KLC1: variants seen among roughly 807,000 people sequenced by gnomAD.
The protein encoded by KLC1 is kinesin 2 60/70kDa.
Under a neutral mutation model 84.2 loss-of-function variants are expected in KLC1, and 30 were observed. The observed-to-expected ratio is 0.36, with a 90% CI of 0.27 to 0.48. The LOEUF is 0.48. Ranked by LOEUF, KLC1 falls within the 20% of genes least tolerant of loss-of-function variation. KLC1 has a pLI of 0.99. For synonymous variants in KLC1, 289 were observed against 293.3 expected, an observed-to-expected ratio of 0.99 and a Z score of 0.15; for missense variants, 499 against 805.4, an observed-to-expected ratio of 0.62 and a Z score of 4.60.
intron 1 of KLC1, among the ~76,000 whole-genome samples, chr14:103,637,148 T>C (rs1326382677): frequency 6.6e-6 from 1 of 152,134 alleles, no homozygotes; most frequent in Admixed American, 6.6e-5. Context: ...TATTTTTTCC[T>C]AATCTATGGC....
chr14:103,698,491 T>C (rs2082767486), intron 15 of KLC1: 1 of 442,794 alleles, frequency 2.3e-6, no homozygotes, highest in South Asian at 2.1e-5. Flanking sequence ...AGGGAGTCAC[T>C]GTAGGACACC....
At chr14:103,699,489 C>T (rs761101817) in intron 15 of KLC1, 1 of 1,612,894 alleles carries the variant, frequency 6.2e-7, no homozygotes, top group South Asian at 1.1e-5. Context: ...CGGAATGGGG[C>T]TGCCACCGAG....
At chr14:103,645,107 G>A (rs1027481552) in intron 1 of KLC1, among the ~76,000 whole-genome samples, 5 of 151,962 alleles carry the variant, frequency 3.3e-5, no homozygotes, top group African/African-American at 1.2e-4. Context: ...TCAAGTAACT[G>A]GGGTTACAGG....
intron 14 of KLC1, among the ~76,000 whole-genome samples, chr14:103,691,239 ACCTCTGCCTCCTGGGCTTAAGTGAAT>A (rs547546638): frequency 1.7e-3 from 254 of 150,606 alleles, no homozygotes; most frequent in African/African-American, 5.5e-3. Context: ...GCTCACTGCA[ACCTCTGCCTCCTGGGCTTAAGTGAAT>A]CTTGTGCCTC....
intron 5 of KLC1, among the ~76,000 whole-genome samples, chr14:103,665,705 T>C (rs2079723075): frequency 6.6e-6 from 1 of 152,194 alleles, no homozygotes; most frequent in Non-Finnish European, 1.5e-5. Context: ...CCCAAAGTGC[T>C]AGGATTACAG....
chr14:103,658,455 A>G (rs372368989), intron 3 of KLC1, among the ~76,000 whole-genome samples: 1 of 41,814 alleles, frequency 2.4e-5, no homozygotes, highest in East Asian at 7.7e-4. Flanking sequence ...TTTTTTTTTT[A>G]GTAGAGATGA....
intron 1 of KLC1, among the ~76,000 whole-genome samples, chr14:103,632,216 A>T: frequency 6.6e-6 from 1 of 152,112 alleles, no homozygotes; most frequent in East Asian, 1.9e-4. Context: ...ACCTGAGGTC[A>T]GGAGTTTAAG....
At chr14:103,640,836 C>G (rs1396370386) in intron 1 of KLC1, among the ~76,000 whole-genome samples, 1 of 152,122 alleles carries the variant, frequency 6.6e-6, no homozygotes, top group Non-Finnish European at 1.5e-5. Context: ...TACTTTGCAT[C>G]CAATTTCCCC....
intron 9 of KLC1, among the ~76,000 whole-genome samples, chr14:103,673,904 C>CG (rs1367804887): frequency 1.3e-5 from 2 of 151,004 alleles, no homozygotes; most frequent in Non-Finnish European, 2.9e-5. Flanking sequence ...GCCTGGGCAA[C>CG]AGAGTGAGAC....
At chr14:103,666,579 T>C (rs2079849528) in intron 5 of KLC1, among the ~76,000 whole-genome samples, 1 of 151,804 alleles carries the variant, frequency 6.6e-6, no homozygotes, top group Non-Finnish European at 1.5e-5. Context: ...GTGTTTAATA[T>C]ACCTCATCTC....
At position 103,697,007 on chromosome 14, in the gene KLC1, C is replaced by T. The variant is rs1039273520; in HGVS notation, c.1849-3648C>T. 27 of 985,448 alleles carry T rather than the reference C, an allele frequency of 2.7e-5. No homozygotes were observed. In the East Asian group the frequency reaches 5.7e-4, roughly 21 times the overall value. The allele number at this position is 985,448 out of a possible 1,614,324, so 61.0% of individuals were successfully genotyped here. ...CTGAGCCAGCATGGGCGGGGCCGGCCGAGCTTCCAGGCGTGTTTTCTCTGT... is the reference window on the plus strand; with the variant it reads ...CTGAGCCAGCATGGGCGGGGCCGGCTGAGCTTCCAGGCGTGTTTTCTCTGT... On this transcript the variant is annotated intron_variant, in intron 15 of 16. Transcript: ENST00000334553.
intron 15 of KLC1, chr14:103,700,427 A>C: frequency 2.1e-6 from 1 of 469,024 alleles, no homozygotes; most frequent in Non-Finnish European, 3.8e-6. Flanking sequence ...TTGGTGAGCC[A>C]TGGTGATGGG....
rs2082226356 is a variant in KLC1, at chr14:103,693,329, G to T, written c.1848+904G>T. On this transcript the variant is annotated intron_variant, in intron 15 of 16. Coordinates refer to ENST00000334553, the MANE Select transcript of KLC1 (RefSeq NM_001394837.1). This position sits in a 1 kb window ranked among gnomAD's most constrained non-coding sequence, Gnocchi z 5.1. ...ACATGTTGCTTGAAGCACCCCTAAT[G>T]ACAAGAGGAAAGAAAGTCTCTTCAT... Among the ~76,000 whole-genome samples, 1 of 152,006 alleles carries T rather than the reference G, an allele frequency of 6.6e-6. No individual in the cohort carries two copies. The highest frequency in any genetic ancestry group is 2.4e-5 in the African/African-American group (1 of 41,364).
chr14:103,675,165 AT>A (rs2080773168), intron 9 of KLC1, among the ~76,000 whole-genome samples: 1 of 152,164 alleles, frequency 6.6e-6, no homozygotes, highest in East Asian at 1.9e-4. Context: ...TCTACTAAAA[AT>A]ACAAAAAAAT....
At chr14:103,700,590 G>C in intron 15 of KLC1, 65 bp from the exon 16 acceptor site, 1 of 1,343,922 alleles carries the variant, frequency 7.4e-7, no homozygotes, top group South Asian at 1.2e-5. Context: ...CACGCCCGGA[G>C]CTCTGAAGAC....
intron 15 of KLC1, among the ~76,000 whole-genome samples, 181 bp downstream of exon 15, chr14:103,692,606 T>C (rs2082184625): frequency 6.6e-6 from 1 of 152,174 alleles, no homozygotes; most frequent in Non-Finnish European, 1.5e-5. Flanking sequence ...TAACCACTGA[T>C]TATGTGAATT....
At chr14:103,647,452 A>G (rs1237747107) in intron 1 of KLC1, among the ~76,000 whole-genome samples, 1 of 150,524 alleles carries the variant, frequency 6.6e-6, no homozygotes, top group Non-Finnish European at 1.5e-5. Flanking sequence ...CTGGTCTTGA[A>G]CTCCTGACCT....
At chr14:103,659,462 G>C (rs940357487) in intron 3 of KLC1, among the ~76,000 whole-genome samples, 2 of 152,182 alleles carry the variant, frequency 1.3e-5, no homozygotes. Flanking sequence ...TCATAGAACA[G>C]TGGTCAGAAC....
In KLC1 at chr14:103,700,647, A is replaced by G; in HGVS notation, c.1849-8A>G. 2 of 1,605,058 alleles carry G rather than the reference A, an allele frequency of 1.2e-6. No homozygotes were observed. Among genetic ancestry groups the G allele is most frequent in the South Asian group, 1.1e-5 (1 of 90,194 alleles). On this transcript the variant is annotated splice_region_variant and splice_polypyrimidine_tract_variant and intron_variant, in intron 15 of 16. Coordinates refer to ENST00000334553, the MANE Select transcript of KLC1 (RefSeq NM_001394837.1). ...CCTGAGTGAAACTCGTCTGTGCTTCATCTCCAGGGCGTCTCTGGCCGAGCC... is the reference window on the plus strand; with the variant it reads ...CCTGAGTGAAACTCGTCTGTGCTTCGTCTCCAGGGCGTCTCTGGCCGAGCC...
Sources: gnomAD v4.1 joint callset for allele counts (sites outside exome capture counted in the v4.1 genomes callset) on GRCh38, gnomAD v4.1.1 for gene constraint, Gnocchi (gnomAD v3.1) non-coding constraint, MANE v1.5 for transcripts, NCBI Gene and HGNC (gene_info 2026-07-23, HGNC 2026-07-21) for gene names.